The following CEP120 variants were observed in gnomAD, a reference collection of about 807,000 sequenced individuals.
The protein encoded by CEP120 is centrosomal protein of 120 kDa.
Under a neutral mutation model 126.5 loss-of-function variants are expected in CEP120, and 113 were observed. That is an observed-to-expected ratio of 0.89 (90% CI 0.77 to 1.04). The LOEUF is 1.04. Ranked by LOEUF, CEP120 falls within the 50% of genes least tolerant of loss-of-function variation. The pLI is 0.00. For missense variants in CEP120, 1,230 were observed against 1,155.7 expected, an observed-to-expected ratio of 1.06 and a Z score of -0.93; for synonymous variants, 400 against 394.3, an observed-to-expected ratio of 1.01 and a Z score of -0.17.
At chr5:123,403,787 C>A in intron 4 of CEP120, 1 of 369,828 alleles carries the variant, frequency 2.7e-6, no homozygotes, top group Non-Finnish European at 5.2e-6. Context: ...AAACTCAAGT[C>A]ATGAAACAAT....
chr5:123,380,877 A>G (rs1305011207), intron 14 of CEP120, among the ~76,000 whole-genome samples: 1 of 152,142 alleles, frequency 6.6e-6, no homozygotes, highest in East Asian at 1.9e-4. Flanking sequence ...GATAACTCGC[A>G]TAATGTTAAA....
chr5:123,378,258 C>T (rs2127036781), intron 15 of CEP120, 78 bp downstream of exon 15: 1 of 1,088,588 alleles, frequency 9.2e-7, no homozygotes, highest in East Asian at 2.7e-5. Flanking sequence ...TCTTTTGCAT[C>T]TAACTTTTAA....
At chr5:123,385,165 A>G in intron 10 of CEP120, 32 bp from the exon 11 acceptor site, 1 of 1,522,150 alleles carries the variant, frequency 6.6e-7, no homozygotes, top group Non-Finnish European at 8.9e-7. Flanking sequence ...GTTCATACCT[A>G]TCAACTCTGA....
intron 11 of CEP120, among the ~76,000 whole-genome samples, chr5:123,384,163 C>T (rs879013137): frequency 2.1e-4 from 32 of 151,746 alleles, no homozygotes; most frequent in Non-Finnish European, 4.1e-4. Flanking sequence ...CTTCTACTTA[C>T]GACAAAAAAA....
At chr5:123,403,633 C>T in intron 4 of CEP120, 1 of 362,170 alleles carries the variant, frequency 2.8e-6, no homozygotes, top group South Asian at 2.1e-5. Context: ...TAACATACAA[C>T]ACTTTAATCA....
intron 12 of CEP120, 29 bp downstream of exon 12, chr5:123,382,957 A>C (rs202165562): frequency 1.3e-6 from 2 of 1,597,492 alleles, no homozygotes; most frequent in Non-Finnish European, 1.7e-6. Flanking sequence ...CCTTTTAAAA[A>C]AAATTTGATA....
In CEP120 at chr5:123,412,460, G is replaced by T. The variant is rs143893793; in HGVS notation, c.402C>A (p.Thr134=). 6.2e-7 allele frequency: 1 copy of T among 1,610,818 alleles called. No individual in the cohort carries two copies. The highest frequency in any genetic ancestry group is 2.2e-5 in the East Asian group (1 of 44,586). The change falls in exon 4 of 20, where the codon ACC becomes ACA. Residue 134 remains threonine, a synonymous_variant. Coordinates refer to ENST00000306467, the MANE Select transcript of CEP120 (RefSeq NM_001375405.1). ...AGCTATCCACTGGTGGCTTTGTATC[G>T]GTTTCCAAAGCAATACTTATCTGTA... The part of the protein sequence containing the change: ...SEIQISIALE[T]DTKPPVDSFK...
chr5:123,413,443 A>C (rs1480986309), intron 3 of CEP120, among the ~76,000 whole-genome samples: 1 of 152,162 alleles, frequency 6.6e-6, no homozygotes, highest in African/African-American at 2.4e-5. Flanking sequence ...TACAGAATGA[A>C]GCATCCTAAA....
At chr5:123,402,373 G>A (rs1312577791) in intron 4 of CEP120, 18 of 1,365,218 alleles carry the variant, frequency 1.3e-5, no homozygotes, top group Middle Eastern at 2.0e-4. Flanking sequence ...CAGGCGGGCC[G>A]AACCAGGCAG....
intron 3 of CEP120, among the ~76,000 whole-genome samples, chr5:123,414,971 C>CAAAAAAAAAAAAAAAA (rs56756568): frequency 9.8e-5 from 4 of 40,664 alleles, no homozygotes; most frequent in African/African-American, 4.6e-4. Flanking sequence ...GACTCCATCT[C>CAAAAAAAAAAAAAAAA]AAAAAAAAAA....
chr5:123,400,704 C>CAAA (rs35093126), intron 4 of CEP120, among the ~76,000 whole-genome samples: 1 of 93,788 alleles, frequency 1.1e-5, no homozygotes, highest in Non-Finnish European at 2.0e-5. Context: ...TATTTTGGAC[C>CAAA]AAAAAAAAAA....
intron 18 of CEP120, among the ~76,000 whole-genome samples, chr5:123,362,361 A>T (rs1381432691): frequency 6.6e-6 from 1 of 151,746 alleles, no homozygotes; most frequent in Non-Finnish European, 1.5e-5. Flanking sequence ...ATGGACTAAG[A>T]CCATATCATA....
rs1216445536 is a variant in CEP120, at chr5:123,422,988, T to C, written c.11A>G (p.Lys4Arg). Reference sequence around the variant, plus strand: ...CACGACGATGAGCAATTGGTCGGATTTGGAGACCATGGTTGCGGTGAGCGG... The same window carrying C: ...CACGACGATGAGCAATTGGTCGGATCTGGAGACCATGGTTGCGGTGAGCGG... The part of the protein sequence containing the change: MVS[K>R]SDQLLIVVSI... Residue 4 changes from lysine to arginine, a missense_variant, in exon 1 of 20, where the codon AAA becomes AGA. Physicochemically the swap from Lys to Arg is conservative, Grantham distance 26. Coordinates refer to ENST00000306467, the MANE Select transcript of CEP120 (RefSeq NM_001375405.1). The C allele has an allele frequency of 6.2e-7, 1 of 1,614,126 alleles. No homozygotes were observed. The highest frequency in any genetic ancestry group is 1.7e-5 in the Admixed American group (1 of 60,032).
intron 18 of CEP120, among the ~76,000 whole-genome samples, chr5:123,357,637 C>T (rs1769740451): frequency 6.6e-6 from 1 of 152,106 alleles, no homozygotes; most frequent in South Asian, 2.1e-4. Context: ...TGACGTGCAC[C>T]TGTAGTCCCA....
intron 18 of CEP120, among the ~76,000 whole-genome samples, chr5:123,360,071 A>G (rs773024565): frequency 1.3e-5 from 2 of 152,004 alleles, no homozygotes; most frequent in Non-Finnish European, 2.9e-5. Flanking sequence ...CCCCGTGGCT[A>G]TTCACCAGAG....
chr5:123,411,962 G>A (rs964377146), intron 4 of CEP120, among the ~76,000 whole-genome samples: 5 of 152,094 alleles, frequency 3.3e-5, no homozygotes, highest in African/African-American at 9.7e-5. Flanking sequence ...GTATATAGGA[G>A]AACTCTCATT....
At chr5:123,371,903 A>G (rs1352319874) in intron 17 of CEP120, among the ~76,000 whole-genome samples, 2 of 152,184 alleles carry the variant, frequency 1.3e-5, no homozygotes, top group Middle Eastern at 3.4e-3. Context: ...TACCTGTGTT[A>G]TTTTCCTCTG....
intron 2 of CEP120, among the ~76,000 whole-genome samples, chr5:123,416,903 A>G (rs1774424925): frequency 6.6e-6 from 1 of 152,162 alleles, no homozygotes. Flanking sequence ...TAAAATTTAA[A>G]TTAATAATAT....
chr5:123,416,211 T>C (rs1191636572), intron 2 of CEP120, 87 bp from the exon 3 acceptor site: 33 of 762,214 alleles, frequency 4.3e-5, no homozygotes, highest in Non-Finnish European at 6.3e-5. Flanking sequence ...ATCAAGATAC[T>C]TATAATTTTG....
Sources: allele counts gnomAD v4.1 joint callset (sites outside exome capture counted in the v4.1 genomes callset), GRCh38; gene constraint gnomAD v4.1.1; transcripts MANE v1.5; gene names NCBI Gene and HGNC (gene_info 2026-07-23, HGNC 2026-07-21).